MPC1: variants seen among roughly 807,000 people sequenced by gnomAD.
The protein encoded by MPC1 is mitochondrial pyruvate carrier 1.
A neutral mutation model predicts 13.9 loss-of-function variants in MPC1; 6 were observed. The observed-to-expected ratio is 0.43, with a 90% CI of 0.24 to 0.85. The LOEUF (loss-of-function observed/expected upper bound fraction) is 0.85. Ranked by LOEUF, MPC1 falls within the 40% of genes least tolerant of loss-of-function variation. MPC1 has a pLI of 0.24. For synonymous variants in MPC1, 47 were observed against 50.5 expected (o/e 0.93, Z 0.29); for missense variants, 115 against 143.3 (o/e 0.80, Z 1.01).
Position 166,365,171 on chromosome 6 carries a change from G to C in MPC1, c.*258C>G, listed in dbSNP as rs1779103737. 2.9e-6 allele frequency: 1 copy of C among 346,728 alleles called. No individual in the cohort carries two copies. Among genetic ancestry groups the C allele is most frequent in the South Asian group, 1.2e-4 (1 of 8,502 alleles). 21.5% of individuals were successfully genotyped at this position (346,728 alleles called of 1,614,324 possible). On this transcript the variant is annotated 3_prime_UTR_variant, in exon 5 of 5. Coordinates refer to ENST00000360961, the MANE Select transcript of MPC1 (RefSeq NM_016098.4). This position sits in a 1 kb window ranked among gnomAD's most constrained non-coding sequence, Gnocchi z 4.2. The stretch of plus-strand genomic sequence containing the variant: ...AATAGATGATATACATATTACTGCA[G>C]ATAAAACCATCATCAGAAATTATTA...
chr6:166,375,836 T>C (rs772532661), intron 1 of MPC1, among the ~76,000 whole-genome samples: 4 of 152,202 alleles, frequency 2.6e-5, no homozygotes, highest in Admixed American at 6.5e-5. Flanking sequence ...CCATGTGAGC[T>C]TGAGAAGAAT....
intron 1 of MPC1, among the ~76,000 whole-genome samples, chr6:166,380,898 C>T (rs1779746439): frequency 1.5e-5 from 2 of 133,100 alleles, no homozygotes; most frequent in African/African-American, 2.9e-5. Flanking sequence ...AAAATAGTGC[C>T]AGTGCACTCC....
chr6:166,376,432 G>A (rs538732112), intron 1 of MPC1, among the ~76,000 whole-genome samples: 15 of 152,154 alleles, frequency 9.9e-5, no homozygotes, highest in Non-Finnish European at 1.5e-4. Flanking sequence ...GAAAATGGAA[G>A]TCCAAGCTCC....
At chr6:166,367,881 A>T (rs1779221464) in intron 2 of MPC1, among the ~76,000 whole-genome samples, 1 of 152,216 alleles carries the variant, frequency 6.6e-6, no homozygotes, top group Non-Finnish European at 1.5e-5. Context: ...AAATCCAAAG[A>T]TTCCCTAAAA....
At chr6:166,368,273 T>C (rs1005894699) in intron 2 of MPC1, among the ~76,000 whole-genome samples, 3 of 152,110 alleles carry the variant, frequency 2.0e-5, no homozygotes, top group African/African-American at 2.4e-5. Context: ...AAATGACAAG[T>C]TGGGTCGGGT....
intron 1 of MPC1, chr6:166,381,930 C>T: frequency 1.9e-6 from 1 of 535,934 alleles, no homozygotes. Context: ...GTCCCAGAAG[C>T]GCGCTGGGCG....
intron 1 of MPC1, among the ~76,000 whole-genome samples, chr6:166,374,863 G>A (rs943140173): frequency 6.6e-6 from 1 of 152,190 alleles, no homozygotes; most frequent in African/African-American, 2.4e-5. Flanking sequence ...AAGTTTGAAA[G>A]TTAGGTAATG....
At chr6:166,376,676 T>C (rs1048828511) in intron 1 of MPC1, among the ~76,000 whole-genome samples, 4 of 152,256 alleles carry the variant, frequency 2.6e-5, no homozygotes, top group African/African-American at 9.6e-5. Context: ...ACCATTGCAT[T>C]TGTCTTTTTG....
intron 1 of MPC1, among the ~76,000 whole-genome samples, chr6:166,380,956 A>G (rs1474296923): frequency 6.6e-6 from 1 of 151,524 alleles, no homozygotes; most frequent in Non-Finnish European, 1.5e-5. Flanking sequence ...AAAAAAAAAA[A>G]AAAAAAAAGA....
Position 166,368,540 on chromosome 6 carries a change from C to A in MPC1, c.76-1649G>T, listed in dbSNP as rs549646243. The stretch of plus-strand genomic sequence containing the variant: ...CTGCACTCCAGCCTGGGTGACAGAG[C>A]GAGACTCCGTCTCAGGGAAAAAAAA... On this transcript the variant is annotated intron_variant, in intron 2 of 4. Transcript: ENST00000360961. Among the ~76,000 whole-genome samples the A allele has an allele frequency of 3.3e-5, 4 of 121,492 alleles. No homozygotes were observed. In the East Asian group the frequency reaches 9.9e-4, roughly 30 times the overall value. 79.7% of individuals were successfully genotyped at this position (121,492 alleles called of 152,430 possible). A position where few individuals can be genotyped will look rare whatever the true frequency, so the allele number is the denominator to read the frequency against.
At chr6:166,377,957 T>C (rs983401365) in intron 1 of MPC1, among the ~76,000 whole-genome samples, 1 of 152,244 alleles carries the variant, frequency 6.6e-6, no homozygotes, top group Non-Finnish European at 1.5e-5. Flanking sequence ...CAGGAAAACA[T>C]GGAGCACAAA....
intron 1 of MPC1, among the ~76,000 whole-genome samples, chr6:166,372,338 C>T (rs1779410631): frequency 6.6e-6 from 1 of 152,100 alleles, no homozygotes; most frequent in Non-Finnish European, 1.5e-5. Flanking sequence ...AATCATACAA[C>T]AGCTTGATTA....
At position 166,369,944 on chromosome 6, in the gene MPC1, G is replaced by A. The variant is rs1779312277; in HGVS notation, c.75+274C>T. ...TTTCTTTCTCTATTTCCTTTCATCG[G>A]TTGCTAGGCTCCACTGTGACTGTTA... On this transcript the variant is annotated intron_variant, in intron 2 of 4. Coordinates refer to ENST00000360961, the MANE Select transcript of MPC1 (RefSeq NM_016098.4). 5.0e-6 allele frequency: 3 copies of A among 597,728 alleles called. No individual in the cohort carries two copies. The Admixed American group carries it at 8.2e-5, about 16-fold the overall frequency. 37.0% of individuals were successfully genotyped at this position (597,728 alleles called of 1,614,324 possible). A position where few individuals can be genotyped will look rare whatever the true frequency, so the allele number is the denominator to read the frequency against.
rs2114938977 is a variant in MPC1, at chr6:166,365,120, CT to C, written c.*308del. ...TGCTAGTGGTTACAAATTTTGTTCT[CT>C]TCAGTTTTTCATTAAGTAAATTCTA... On this transcript the variant is annotated 3_prime_UTR_variant, in exon 5 of 5. Transcript: ENST00000360961. This position sits in a 1 kb window ranked among gnomAD's most constrained non-coding sequence, Gnocchi z 4.2. 4.3e-6 allele frequency: 1 copy of C among 234,242 alleles called. No homozygotes were observed. The highest frequency in any genetic ancestry group is 1.8e-4 in the South Asian group (1 of 5,672). The allele number at this position is 234,242 out of a possible 1,614,324, so 14.5% of individuals were successfully genotyped here.
chr6:166,366,365 T>C (rs568498453), intron 3 of MPC1, among the ~76,000 whole-genome samples: 2 of 152,362 alleles, frequency 1.3e-5, no homozygotes, highest in African/African-American at 4.8e-5. Flanking sequence ...CTGAAATTTG[T>C]TCTAGACACT....
Position 166,365,402 on chromosome 6 carries a change from C to T in MPC1, c.*27G>A. ...GCAGCAGCTGGCAATGCTGTCCCTTCAAGACCTTGTTCTTCCTTTTCCATT... is the reference window on the plus strand; with the variant it reads ...GCAGCAGCTGGCAATGCTGTCCCTTTAAGACCTTGTTCTTCCTTTTCCATT... On this transcript the variant is annotated 3_prime_UTR_variant, in exon 5 of 5. Transcript: ENST00000360961. The surrounding 1 kb of genome is among the most constrained non-coding windows in gnomAD (Gnocchi z 4.2). 6.4e-7 allele frequency: 1 copy of T among 1,556,716 alleles called. No individual in the cohort carries two copies. Among genetic ancestry groups the T allele is most frequent in the Non-Finnish European group, 8.7e-7 (1 of 1,149,232 alleles).
chr6:166,373,931 G>A lies in MPC1; in HGVS notation c.72-3710C>T, dbSNP rs1015392239. Among the ~76,000 whole-genome samples the A allele has an allele frequency of 3.3e-5, 5 of 152,034 alleles. No individual in the cohort carries two copies. The East Asian group carries it at 9.6e-4, about 29-fold the overall frequency. On this transcript the variant is annotated intron_variant, in intron 1 of 4. Coordinates refer to ENST00000360961, the MANE Select transcript of MPC1 (RefSeq NM_016098.4). ...CGGAGAGGTATCTGCTTAAGTCTTC[G>A]GCCCATTTTTAATTTAGTTCCTTTC...
intron 1 of MPC1, among the ~76,000 whole-genome samples, chr6:166,374,231 G>T (rs544247654): frequency 6.6e-6 from 1 of 152,200 alleles, no homozygotes; most frequent in South Asian, 2.1e-4. Flanking sequence ...GACCTCAAGC[G>T]ATCTGCCTGC....
chr6:166,376,771 A>C (rs183662019), intron 1 of MPC1, among the ~76,000 whole-genome samples: 207 of 152,330 alleles, frequency 1.4e-3, no homozygotes, highest in African/African-American at 4.2e-3. Flanking sequence ...ATCTATAGCT[A>C]CCAACGCCTT....
Sources: gnomAD v4.1 joint callset for allele counts (sites outside exome capture counted in the v4.1 genomes callset) on GRCh38, gnomAD v4.1.1 for gene constraint, Gnocchi (gnomAD v3.1) non-coding constraint, MANE v1.5 for transcripts, NCBI Gene and HGNC (gene_info 2026-07-23, HGNC 2026-07-21) for gene names.